The following LEPR variants were observed in gnomAD, a reference collection of about 807,000 sequenced individuals.
LEPR encodes the protein leptin receptor.
In LEPR, 56 loss-of-function variants were observed where a neutral mutation model predicts 114.7. The ratio of observed to expected loss-of-function variants is 0.49; its 90% CI spans 0.39 to 0.61. The LOEUF (loss-of-function observed/expected upper bound fraction) is 0.61. Among genes scored for constraint, LEPR ranks in the 20% least tolerant of loss-of-function variants. LEPR has a pLI of 0.00. For synonymous variants in LEPR, 443 were observed against 461.4 expected, an observed-to-expected ratio of 0.96 and a Z score of 0.51; for missense variants, 1,202 against 1,352.9, an observed-to-expected ratio of 0.89 and a Z score of 1.75.
chr1:65,486,087 T>A (rs1647471178), intron 2 of LEPR, among the ~76,000 whole-genome samples: 1 of 152,206 alleles, frequency 6.6e-6, no homozygotes, highest in Non-Finnish European at 1.5e-5. Flanking sequence ...CACAATCTTC[T>A]GGGAATTTTA....
intron 5 of LEPR, among the ~76,000 whole-genome samples, chr1:65,573,716 C>G (rs965933660): frequency 1.3e-5 from 2 of 152,014 alleles, no homozygotes; most frequent in African/African-American, 4.8e-5. Flanking sequence ...TGTCCCTATA[C>G]AAATGAATAG....
chr1:65,421,486 G>A, intron 1 of LEPR: 1 of 1,535,888 alleles, frequency 6.5e-7, no homozygotes, highest in East Asian at 2.4e-5. Flanking sequence ...TTTCTAATCT[G>A]TCGAATAGAG....
intron 2 of LEPR, among the ~76,000 whole-genome samples, chr1:65,504,229 G>A (rs746768564): frequency 2.0e-5 from 3 of 152,196 alleles, no homozygotes; most frequent in African/African-American, 4.8e-5. Flanking sequence ...CTCCTGTGCA[G>A]GAGAATTTCA....
intron 5 of LEPR, among the ~76,000 whole-genome samples, chr1:65,573,890 A>C (rs1196126562): frequency 1.3e-5 from 2 of 152,210 alleles, no homozygotes; most frequent in African/African-American, 4.8e-5. Flanking sequence ...TGTACACTTA[A>C]AATGGTTGAA....
chr1:65,429,412 A>G (rs527548311), intron 2 of LEPR, among the ~76,000 whole-genome samples: 4 of 152,326 alleles, frequency 2.6e-5, no homozygotes, highest in Middle Eastern at 3.4e-3. Context: ...ATAATACCAG[A>G]CCATAAAGGC....
intron 5 of LEPR, among the ~76,000 whole-genome samples, chr1:65,582,313 G>A (rs1216388558): frequency 1.3e-5 from 2 of 152,156 alleles, no homozygotes; most frequent in African/African-American, 2.4e-5. Context: ...TGCACTGAAG[G>A]TGTCAGCCAC....
chr1:65,516,369 A>G (rs975468812), intron 2 of LEPR, among the ~76,000 whole-genome samples: 3 of 151,926 alleles, frequency 2.0e-5, no homozygotes, highest in African/African-American at 7.2e-5. Flanking sequence ...ACTTGAACCC[A>G]GGAGGTGGAG....
intron 2 of LEPR, among the ~76,000 whole-genome samples, chr1:65,517,898 T>A (rs765318155): frequency 6.6e-6 from 1 of 152,252 alleles, no homozygotes; most frequent in Non-Finnish European, 1.5e-5. Flanking sequence ...CACATTGACA[T>A]TAGTTCAGTT....
chr1:65,453,744 A>T (rs887588882), intron 2 of LEPR, among the ~76,000 whole-genome samples: 33 of 152,168 alleles, frequency 2.2e-4, no homozygotes, highest in African/African-American at 8.0e-4. Context: ...TGCTGAAAAA[A>T]AATGTATATT....
At chr1:65,586,601 T>G (rs1488364769) in intron 5 of LEPR, among the ~76,000 whole-genome samples, 2 of 152,032 alleles carry the variant, frequency 1.3e-5, no homozygotes, top group African/African-American at 2.4e-5. Flanking sequence ...TTGAATTTCA[T>G]GTATCATGAA....
chr1:65,495,526 G>A (rs1322326563), intron 2 of LEPR, among the ~76,000 whole-genome samples: 1 of 152,132 alleles, frequency 6.6e-6, no homozygotes. Flanking sequence ...ACTATCATAT[G>A]ATCCAGCAAT....
chr1:65,587,523 T>C (rs1655391380), intron 5 of LEPR, among the ~76,000 whole-genome samples: 1 of 152,052 alleles, frequency 6.6e-6, no homozygotes, highest in African/African-American at 2.4e-5. Flanking sequence ...TAAACATAGA[T>C]GGTTCGGGGA....
At chr1:65,534,877 T>C (rs1019010558) in intron 2 of LEPR, among the ~76,000 whole-genome samples, 3 of 152,250 alleles carry the variant, frequency 2.0e-5, no homozygotes, top group African/African-American at 7.2e-5. Context: ...TAAGAACAGC[T>C]GTTACCAACT....
At chr1:65,469,950 T>A (rs1007236706) in intron 2 of LEPR, among the ~76,000 whole-genome samples, 1 of 152,186 alleles carries the variant, frequency 6.6e-6, no homozygotes, top group Non-Finnish European at 1.5e-5. Context: ...ATATTTGATG[T>A]GAGATTAGGT....
rs145668112 is a variant in LEPR at position 65,601,427 on chromosome 1, G to T, written c.1030G>T (p.Val344Phe). ...CTTTCCACCTAAAATTCTGACAAGT[G>T]TTGGGTCTAATGTTTCTTTTCACTG... is the stretch of plus-strand genomic sequence containing the variant. ...IYFPPKILTS[V>F]GSNVSFHCIY... Residue 344 changes from valine to phenylalanine, a missense_variant, in exon 9 of 20, where the codon GTT (valine) becomes TTT (phenylalanine). Physicochemically the swap from Val to Phe is conservative, Grantham distance 50. Coordinates refer to ENST00000349533, the MANE Select transcript of LEPR (RefSeq NM_002303.6). The T allele has an allele frequency of 1.2e-6, 2 of 1,613,268 alleles. No homozygotes were observed. The highest frequency in any genetic ancestry group is 2.7e-5 in the African/African-American group (2 of 74,892).
chr1:65,462,558 C>A (rs1003107885), intron 2 of LEPR, among the ~76,000 whole-genome samples: 1 of 152,196 alleles, frequency 6.6e-6, no homozygotes, highest in African/African-American at 2.4e-5. Context: ...AGTTCTAGAT[C>A]CTTGAGGAAT....
intron 5 of LEPR, 122 bp from the exon 6 acceptor site, chr1:65,592,535 G>A: frequency 3.5e-6 from 3 of 869,228 alleles, no homozygotes; most frequent in South Asian, 1.9e-5. Flanking sequence ...TTTTTTTTCA[G>A]ATACCCTTTA....
At chr1:65,450,226 T>C (rs1459045008) in intron 2 of LEPR, among the ~76,000 whole-genome samples, 1 of 151,840 alleles carries the variant, frequency 6.6e-6, no homozygotes, top group East Asian at 1.9e-4. Flanking sequence ...AAAAGTTGGA[T>C]GAAGTAGTCC....
At chr1:65,569,113 T>C (rs1653975081) in intron 3 of LEPR, among the ~76,000 whole-genome samples, 1 of 152,198 alleles carries the variant, frequency 6.6e-6, no homozygotes, top group African/African-American at 2.4e-5. Context: ...TGCTGGAACC[T>C]CTGTATCTTT....
Sources: gnomAD v4.1 joint callset for allele counts (sites outside exome capture counted in the v4.1 genomes callset) on GRCh38, gnomAD v4.1.1 for gene constraint, MANE v1.5 for transcripts, NCBI Gene and HGNC (gene_info 2026-07-23, HGNC 2026-07-21) for gene names.